The following CDH13 variants were observed in gnomAD, a reference collection of about 807,000 sequenced individuals.
The protein encoded by CDH13 is cadherin-13.
CDH13 carries 24 observed loss-of-function variants against 63.8 expected under a neutral mutation model. That is an observed-to-expected ratio of 0.38 (90% confidence interval 0.27 to 0.53). The LOEUF (loss-of-function observed/expected upper bound fraction) is 0.53. CDH13 is among the 20% of genes least tolerant of loss of function. The probability of loss-of-function intolerance (pLI) is 0.85; values close to 1 mark genes in which losing one functional copy is unlikely to be tolerated. For missense variants in CDH13, 1,049 were observed against 903.1 expected, an observed-to-expected ratio of 1.16 and a Z score of -2.07; for synonymous variants, 503 against 355.3, an observed-to-expected ratio of 1.42 and a Z score of -4.67.
chr16:83,237,196 G>T, intron 5 of CDH13, among the ~76,000 whole-genome samples: 1 of 152,306 alleles, frequency 6.6e-6, no homozygotes. Flanking sequence ...CTCAAGAGAA[G>T]GTCACCAAGG....
intron 6 of CDH13, among the ~76,000 whole-genome samples, chr16:83,399,442 C>G (rs528351889): frequency 6.6e-6 from 1 of 152,304 alleles, no homozygotes; most frequent in African/African-American, 2.4e-5. Flanking sequence ...TACTGCAGCC[C>G]TTTCAGCTTC....
chr16:83,083,934 C>G (rs958193808), intron 3 of CDH13, among the ~76,000 whole-genome samples: 1 of 152,348 alleles, frequency 6.6e-6, no homozygotes, highest in Non-Finnish European at 1.5e-5. Context: ...GTAAGTCTCA[C>G]TATCTCGTTA....
chr16:83,396,783 C>T (rs896191340), intron 6 of CDH13: 20 of 145,120 alleles, frequency 1.4e-4, no homozygotes, highest in African/African-American at 4.8e-4. Context: ...ATGATAGGAA[C>T]ATTAGGGGAG....
In CDH13 at chr16:83,268,299, C is replaced by G. The variant is rs182594674; in HGVS notation, c.636+50802C>G. Among the ~76,000 whole-genome samples the G allele has an allele frequency of 3.0e-4, 45 of 152,296 alleles. 1 individual carries two copies. In the East Asian group the frequency reaches 6.2e-3, roughly 21 times the overall value. On this transcript the variant is annotated intron_variant, in intron 5 of 13. Transcript: ENST00000567109. Reference sequence around the variant, plus strand: ...TTCCATGGAAGTATGAACAGAAGATCAACTGGACAGTTACGCTGCTGGTGA... The same window carrying G: ...TTCCATGGAAGTATGAACAGAAGATGAACTGGACAGTTACGCTGCTGGTGA...
intron 7 of CDH13, among the ~76,000 whole-genome samples, chr16:83,572,421 A>T (rs1904724470): frequency 6.6e-6 from 1 of 152,164 alleles, no homozygotes; most frequent in East Asian, 1.9e-4. Context: ...GATTACAGGC[A>T]CAAGCCACAG....
chr16:83,411,683 G>A (rs11865085), intron 6 of CDH13, among the ~76,000 whole-genome samples: 34,976 of 152,062 alleles, frequency 0.23, 4,279 homozygotes, highest in Middle Eastern at 0.35. Flanking sequence ...AGTACCTTTT[G>A]TTCTCTGATA....
chr16:82,830,401 G>A (rs1286158791), intron 1 of CDH13, among the ~76,000 whole-genome samples: 1 of 152,196 alleles, frequency 6.6e-6, no homozygotes, highest in African/African-American at 2.4e-5. Flanking sequence ...GATTCATCAT[G>A]GTCCCCATGG....
At chr16:82,665,310 T>A (rs988531866) in intron 1 of CDH13, among the ~76,000 whole-genome samples, 1 of 152,158 alleles carries the variant, frequency 6.6e-6, no homozygotes, top group African/African-American at 2.4e-5. Context: ...ATGTGTTAGA[T>A]AAGCTTTGTT....
chr16:83,492,159 A>G lies in CDH13; in HGVS notation c.960+5504A>G, dbSNP rs192528063. Among the ~76,000 whole-genome samples the G allele has an allele frequency of 7.1e-3, 1,078 of 152,106 alleles. 7 individuals carry two copies. Among genetic ancestry groups the G allele is most frequent in the Non-Finnish European group, 0.011 (723 of 68,008 alleles). On this transcript the variant is annotated intron_variant, in intron 7 of 13. Coordinates refer to ENST00000567109, the MANE Select transcript of CDH13 (RefSeq NM_001257.5). ...GCATCTCCAGAAACATACTAAAGAC[A>G]TCTGTGAAAATGATGATATCAAATC...
intron 6 of CDH13, among the ~76,000 whole-genome samples, chr16:83,383,597 A>G (rs1400240818): frequency 6.6e-6 from 1 of 152,142 alleles, no homozygotes; most frequent in Non-Finnish European, 1.5e-5. Context: ...TATTTTTTAT[A>G]TCAGAATGGA....
intron 1 of CDH13, among the ~76,000 whole-genome samples, chr16:82,755,601 C>T (rs1264778982): frequency 6.6e-6 from 1 of 152,206 alleles, no homozygotes; most frequent in Non-Finnish European, 1.5e-5. Flanking sequence ...TCTGGTCCAT[C>T]ATCTGTTCAT....
chr16:83,543,977 C>A (rs1173164878), intron 7 of CDH13, among the ~76,000 whole-genome samples: 4 of 152,204 alleles, frequency 2.6e-5, no homozygotes, highest in Non-Finnish European at 5.9e-5. Flanking sequence ...GAGAACACAG[C>A]TTTGTTGTTC....
intron 2 of CDH13, among the ~76,000 whole-genome samples, chr16:82,930,473 C>CT (rs11431208): frequency 0.65 from 98,704 of 151,830 alleles, 33,254 homozygotes; most frequent in African/African-American, 0.73. Flanking sequence ...TTAACTTTTT[C>CT]TTGAAGTAAC....
intron 3 of CDH13, among the ~76,000 whole-genome samples, chr16:83,045,182 C>A (rs1012659367): frequency 6.6e-6 from 1 of 152,072 alleles, no homozygotes; most frequent in African/African-American, 2.4e-5. Flanking sequence ...AAAATTAATA[C>A]AAAACTATGC....
chr16:83,300,157 C>G (rs777846407), intron 5 of CDH13, among the ~76,000 whole-genome samples: 66 of 152,188 alleles, frequency 4.3e-4, no homozygotes, highest in Non-Finnish European at 8.5e-4. Context: ...TAAAGACCAT[C>G]TTTGAAGTCA....
At chr16:83,415,374 C>T (rs537330626) in intron 6 of CDH13, among the ~76,000 whole-genome samples, 2 of 152,274 alleles carry the variant, frequency 1.3e-5, no homozygotes, top group South Asian at 4.1e-4. Context: ...TCAAACTCTT[C>T]CGAACAGCTG....
chr16:83,025,326 G>T (rs1915701084), intron 2 of CDH13, among the ~76,000 whole-genome samples: 1 of 152,134 alleles, frequency 6.6e-6, no homozygotes, highest in African/African-American at 2.4e-5. Context: ...CCTGGGACAG[G>T]GTAATTTATA....
chr16:83,333,011 T>G (rs1312486825), intron 5 of CDH13, among the ~76,000 whole-genome samples: 1 of 152,148 alleles, frequency 6.6e-6, no homozygotes, highest in African/African-American at 2.4e-5. Flanking sequence ...AGTATCAAGA[T>G]CTTTAATTAA....
At chr16:83,705,358 C>T (rs543503222) in intron 10 of CDH13, among the ~76,000 whole-genome samples, 32 of 152,174 alleles carry the variant, frequency 2.1e-4, no homozygotes, top group African/African-American at 7.7e-4. Flanking sequence ...CCCGGTGGCT[C>T]ACGCCTGTAA....
Sources: gnomAD v4.1 joint callset for allele counts (sites outside exome capture counted in the v4.1 genomes callset) on GRCh38, gnomAD v4.1.1 for gene constraint, MANE v1.5 for transcripts, NCBI Gene and HGNC (gene_info 2026-07-23, HGNC 2026-07-21) for gene names.